UNC5D: variants seen among roughly 807,000 people sequenced by gnomAD.
UNC5D encodes the protein netrin receptor UNC5D.
UNC5D carries 39 observed loss-of-function variants against 105.4 expected under a neutral mutation model. The ratio of observed to expected loss-of-function variants is 0.37; its 90% CI spans 0.29 to 0.48. The LOEUF (loss-of-function observed/expected upper bound fraction) is 0.48, where lower values mean the gene tolerates loss of function less well. UNC5D is among the 20% of genes least tolerant of loss of function. The pLI is 0.98. For synonymous variants in UNC5D, 452 were observed against 450.4 expected, an observed-to-expected ratio of 1.00 and a Z score of -0.04; for missense variants, 991 against 1,202.4, an observed-to-expected ratio of 0.82 and a Z score of 2.60.
At chr8:35,261,481 T>A (rs1804487849) in intron 1 of UNC5D, among the ~76,000 whole-genome samples, 1 of 152,176 alleles carries the variant, frequency 6.6e-6, no homozygotes, top group African/African-American at 2.4e-5. Flanking sequence ...ACAATGTGCA[T>A]GTGGCATAAA....
chr8:35,599,620 C>T (rs183602740), intron 4 of UNC5D, among the ~76,000 whole-genome samples: 2 of 152,070 alleles, frequency 1.3e-5, no homozygotes, highest in East Asian at 3.9e-4. Flanking sequence ...CAGGGTTAGC[C>T]CTACACAAAA....
At chr8:35,411,878 T>A (rs1805195893) in intron 1 of UNC5D, among the ~76,000 whole-genome samples, 1 of 152,046 alleles carries the variant, frequency 6.6e-6, no homozygotes. Flanking sequence ...GTTCCTTGAA[T>A]GAGTAAAATG....
Position 35,750,566 on chromosome 8 carries a change from A to G in UNC5D, c.1936-16A>G. The G allele has an allele frequency of 6.2e-7, 1 of 1,612,380 alleles. No homozygotes were observed. The highest frequency in any genetic ancestry group is 2.2e-5 in the East Asian group (1 of 44,838). ...CTTATTTCCAAGTGAGAGAATAAAC[A>G]TACCTTTCCCAACAGGAAGTGATGT... On this transcript the variant is annotated splice_polypyrimidine_tract_variant and intron_variant, in intron 12 of 16. Transcript: ENST00000404895.
chr8:35,651,994 TA>T (rs1353186588), intron 4 of UNC5D, among the ~76,000 whole-genome samples: 1 of 152,150 alleles, frequency 6.6e-6, no homozygotes, highest in African/African-American at 2.4e-5. Flanking sequence ...TGCCAATGTA[TA>T]GGTGATTCTC....
Position 35,519,645 on chromosome 8 carries a change from A to C in UNC5D, c.104-29647A>C, listed in dbSNP as rs1813329157. 2.0e-5 allele frequency among the ~76,000 whole-genome samples: 3 copies of C among 152,308 alleles called. No homozygotes were observed. In the South Asian group the frequency reaches 6.2e-4, roughly 32 times the overall value. On this transcript the variant is annotated intron_variant, in intron 1 of 16. Transcript: ENST00000404895. ...GCAAAACAAAGTAAACAACCTAAAT[A>C]TCCATTGACAGATTGAATAAGTAAA...
chr8:35,388,101 C>G (rs780700879), intron 1 of UNC5D, among the ~76,000 whole-genome samples: 4 of 151,918 alleles, frequency 2.6e-5, no homozygotes, highest in African/African-American at 9.6e-5. Flanking sequence ...TGGTGGGGTG[C>G]GGTGGCTCAA....
chr8:35,648,678 C>CAAAAA (rs1251731084), intron 4 of UNC5D, among the ~76,000 whole-genome samples: 4 of 46,020 alleles, frequency 8.7e-5, no homozygotes, highest in Admixed American at 2.3e-4. Context: ...GAGTCCGTCT[C>CAAAAA]AAAAAAAAAA....
chr8:35,750,499 T>C, intron 12 of UNC5D, 83 bp from the exon 13 acceptor site: 7 of 1,389,154 alleles, frequency 5.0e-6, no homozygotes, highest in Non-Finnish European at 7.1e-6. Context: ...TATTTGTGTG[T>C]TTATTTATTT....
At chr8:35,449,724 C>T (rs916699301) in intron 1 of UNC5D, among the ~76,000 whole-genome samples, 10 of 152,130 alleles carry the variant, frequency 6.6e-5, no homozygotes, top group Non-Finnish European at 1.2e-4. Context: ...TCATCGTACT[C>T]TTTCCTCCAG....
intron 2 of UNC5D, among the ~76,000 whole-genome samples, chr8:35,558,189 T>C (rs1290917449): frequency 6.6e-6 from 1 of 151,668 alleles, no homozygotes; most frequent in East Asian, 1.9e-4. Flanking sequence ...GTAGGTATCT[T>C]GATGTTTTGC....
chr8:35,541,533 C>T (rs1815275308), intron 1 of UNC5D, among the ~76,000 whole-genome samples: 1 of 152,178 alleles, frequency 6.6e-6, no homozygotes. Flanking sequence ...AATCTCTGCA[C>T]ATGGCATGCC....
chr8:35,627,519 T>C (rs1821760675), intron 4 of UNC5D, among the ~76,000 whole-genome samples: 1 of 152,218 alleles, frequency 6.6e-6, no homozygotes, highest in South Asian at 2.1e-4. Context: ...CAGCCATCTT[T>C]ACTTAGCAAA....
intron 11 of UNC5D, among the ~76,000 whole-genome samples, chr8:35,742,468 C>T (rs977261591): frequency 6.6e-6 from 1 of 152,058 alleles, no homozygotes; most frequent in African/African-American, 2.4e-5. Flanking sequence ...AATTATGTAT[C>T]GACCCAGGGT....
intron 1 of UNC5D, among the ~76,000 whole-genome samples, chr8:35,448,517 A>G (rs546322153): frequency 4.6e-5 from 7 of 152,266 alleles, no homozygotes; most frequent in African/African-American, 1.7e-4. Flanking sequence ...CAGCATCAGC[A>G]GCACCTGGGA....
intron 1 of UNC5D, among the ~76,000 whole-genome samples, chr8:35,323,150 C>G (rs1463788310): frequency 6.7e-6 from 1 of 149,948 alleles, no homozygotes; most frequent in African/African-American, 2.5e-5. Context: ...AGAAAAAAAG[C>G]CTTTATGTTT....
At chr8:35,287,822 A>T (rs1242100343) in intron 1 of UNC5D, among the ~76,000 whole-genome samples, 1 of 152,026 alleles carries the variant, frequency 6.6e-6, no homozygotes, top group East Asian at 1.9e-4. Flanking sequence ...TGACTAAATA[A>T]TAAATAAATA....
At chr8:35,410,740 G>T (rs1017787321) in intron 1 of UNC5D, among the ~76,000 whole-genome samples, 1 of 152,040 alleles carries the variant, frequency 6.6e-6, no homozygotes, top group African/African-American at 2.4e-5. Flanking sequence ...AGAAAACAGA[G>T]TCTCAAAGAG....
intron 1 of UNC5D, among the ~76,000 whole-genome samples, chr8:35,274,343 G>T (rs757130120): frequency 1.3e-5 from 2 of 152,232 alleles, no homozygotes; most frequent in Non-Finnish European, 2.9e-5. Context: ...CATTGCTTAA[G>T]TTCAGCATAG....
chr8:35,780,719 A>T (rs1802465939), intron 16 of UNC5D, among the ~76,000 whole-genome samples: 1 of 152,174 alleles, frequency 6.6e-6, no homozygotes, highest in South Asian at 2.1e-4. Flanking sequence ...TACTATGATC[A>T]CACTAAACTA....
Sources: allele counts gnomAD v4.1 joint callset (sites outside exome capture counted in the v4.1 genomes callset), GRCh38; gene constraint gnomAD v4.1.1; transcripts MANE v1.5; gene names NCBI Gene and HGNC (gene_info 2026-07-23, HGNC 2026-07-21).